The following CYP4X1 variants were observed in gnomAD, a reference collection of about 807,000 sequenced individuals.
CYP4X1 encodes the protein cytochrome P450 family 4 subfamily X member 1.
CYP4X1 carries 44 observed loss-of-function variants against 57.9 expected under a neutral mutation model. The observed-to-expected ratio is 0.76, with a 90% CI of 0.60 to 0.98. The LOEUF is 0.98. CYP4X1 is among the 50% of genes least tolerant of loss of function. The probability of loss-of-function intolerance (pLI) is 0.00; values close to 1 mark genes in which losing one functional copy is unlikely to be tolerated. For synonymous variants in CYP4X1, 227 were observed against 228.6 expected, an observed-to-expected ratio of 0.99 and a Z score of 0.06; for missense variants, 532 against 623.9, an observed-to-expected ratio of 0.85 and a Z score of 1.57.
In CYP4X1 at chr1:47,030,193, T is replaced by C. The variant is rs186086807; in HGVS notation, c.319+62T>C. 5.5e-5 allele frequency: 84 copies of C among 1,540,724 alleles called. 1 individual carries two copies. The East Asian group carries it at 1.9e-3, about 34-fold the overall frequency. ...CTAGAAGTGAAATGCATAAAACCCA[T>C]AGGCAAGATTCCAAAGCAAAGATTG... On this transcript the variant is annotated intron_variant, in intron 2 of 11. Coordinates refer to ENST00000371901, the MANE Select transcript of CYP4X1 (RefSeq NM_178033.2).
chr1:46,970,944 T>A, the CYP4X1 span, among the ~76,000 whole-genome samples: 1 of 152,206 alleles, frequency 6.6e-6, no homozygotes, highest in Non-Finnish European at 1.5e-5. Flanking sequence ...AAATTCTTAT[T>A]TTAGGTTCAG....
the CYP4X1 span, among the ~76,000 whole-genome samples, chr1:46,973,926 G>A: frequency 1.6e-4 from 24 of 151,444 alleles, no homozygotes; most frequent in African/African-American, 5.8e-4. Flanking sequence ...ATTTCATTTG[G>A]CTCTCTGATT....
At chr1:47,033,463 T>C in intron 4 of CYP4X1, 95 bp downstream of exon 4, 1 of 1,495,778 alleles carries the variant, frequency 6.7e-7, no homozygotes, top group South Asian at 1.3e-5. Context: ...AAATAAAAAA[T>C]CAGTTTCTAA....
chr1:47,055,309 G>A (rs971087360), downstream of CYP4X1, among the ~76,000 whole-genome samples: 1 of 152,160 alleles, frequency 6.6e-6, no homozygotes, highest in Admixed American at 6.5e-5. Context: ...TATGTTGCTG[G>A]ATTCGGCTTG....
At chr1:46,990,288 C>G in the CYP4X1 span, among the ~76,000 whole-genome samples, 1 of 152,160 alleles carries the variant, frequency 6.6e-6, no homozygotes, top group Non-Finnish European at 1.5e-5. Context: ...AGCCAACAAA[C>G]ATATGAAAAA....
chr1:47,054,147 T>A (rs900844081), downstream of CYP4X1, among the ~76,000 whole-genome samples: 3 of 151,486 alleles, frequency 2.0e-5, no homozygotes, highest in African/African-American at 7.3e-5. Context: ...GGCTAGCCAG[T>A]TTTCCCAGCA....
the CYP4X1 span, among the ~76,000 whole-genome samples, chr1:46,972,700 G>A: frequency 6.3e-4 from 96 of 152,202 alleles, no homozygotes; most frequent in African/African-American, 2.2e-3. Context: ...TGTGGCTATT[G>A]TGAATGGGAT....
chr1:47,048,462 G>A (rs1318833074), intron 9 of CYP4X1, 103 bp from the exon 10 acceptor site: 3 of 1,218,094 alleles, frequency 2.5e-6, no homozygotes, highest in Non-Finnish European at 3.7e-6. Flanking sequence ...AGCATTGCCA[G>A]GAGCTAGCTC....
the CYP4X1 span, chr1:46,967,981 T>C: frequency 3.5e-6 from 1 of 284,570 alleles, no homozygotes; most frequent in East Asian, 6.4e-5. Context: ...CCACAGTGTG[T>C]GGTTCTGCAG....
At chr1:47,011,461 G>T in the CYP4X1 span, among the ~76,000 whole-genome samples, 21 of 152,164 alleles carry the variant, frequency 1.4e-4, no homozygotes, top group African/African-American at 4.8e-4. Flanking sequence ...AACCCTAGAA[G>T]AAAACCTAGG....
chr1:47,019,494 C>G (rs560168561), upstream of CYP4X1, among the ~76,000 whole-genome samples: 46 of 152,320 alleles, frequency 3.0e-4, no homozygotes, highest in Non-Finnish European at 5.0e-4. Flanking sequence ...GGCACTGGCT[C>G]TATCAATTTC....
chr1:46,987,902 T>C, the CYP4X1 span, among the ~76,000 whole-genome samples: 1 of 152,170 alleles, frequency 6.6e-6, no homozygotes, highest in Non-Finnish European at 1.5e-5. Context: ...GAGGGAAATT[T>C]ATAGCACTAA....
At chr1:46,969,047 T>C in the CYP4X1 span, among the ~76,000 whole-genome samples, 1 of 152,104 alleles carries the variant, frequency 6.6e-6, no homozygotes, top group African/African-American at 2.4e-5. Context: ...ATTTTGGAGA[T>C]GGGTTGGGTG....
At chr1:46,963,549 C>T in the CYP4X1 span, among the ~76,000 whole-genome samples, 1 of 152,178 alleles carries the variant, frequency 6.6e-6, no homozygotes, top group Non-Finnish European at 1.5e-5. Context: ...AAATTCTTTT[C>T]TTTAAAAATG....
chr1:47,033,160 T>C (rs1360985157), intron 3 of CYP4X1, 81 bp from the exon 4 acceptor site: 20 of 1,515,914 alleles, frequency 1.3e-5, no homozygotes, highest in Non-Finnish European at 1.6e-5. Context: ...TCATGGTTAC[T>C]CCACGCTGCC....
intron 1 of CYP4X1, among the ~76,000 whole-genome samples, chr1:47,026,821 G>T (rs1038056741): frequency 5.3e-5 from 8 of 151,916 alleles, no homozygotes; most frequent in African/African-American, 1.9e-4. Context: ...GGATTCAAGC[G>T]ATTCTCCTGC....
chr1:47,009,131 C>T, the CYP4X1 span, among the ~76,000 whole-genome samples: 1 of 152,210 alleles, frequency 6.6e-6, no homozygotes, highest in Admixed American at 6.5e-5. Flanking sequence ...TTCAGCACCA[C>T]ACCACACCTA....
At chr1:46,980,706 A>G in the CYP4X1 span, among the ~76,000 whole-genome samples, 1 of 152,240 alleles carries the variant, frequency 6.6e-6, no homozygotes, top group Non-Finnish European at 1.5e-5. Context: ...AGCTGGAGAC[A>G]TCATACTACC....
downstream of CYP4X1, among the ~76,000 whole-genome samples, chr1:47,054,960 A>T (rs1644384331): frequency 6.6e-6 from 1 of 152,202 alleles, no homozygotes; most frequent in African/African-American, 2.4e-5. Context: ...CACTATGTTG[A>T]ATAGGAGTGG....
Sources: allele counts gnomAD v4.1 joint callset (sites outside exome capture counted in the v4.1 genomes callset), GRCh38; gene constraint gnomAD v4.1.1; transcripts MANE v1.5; gene names NCBI Gene and HGNC (gene_info 2026-07-23, HGNC 2026-07-21).